The following ANO10 variants were observed in gnomAD, a reference collection of about 807,000 sequenced individuals.
The protein encoded by ANO10 is anoctamin-10.
In ANO10, 77 loss-of-function variants were observed where a neutral mutation model predicts 74.7. That is an observed-to-expected ratio of 1.03 (90% CI 0.86 to 1.25). ANO10 has a LOEUF of 1.25. ANO10 is among the 50% of genes most tolerant of loss of function. The pLI, the probability that ANO10 is intolerant of heterozygous loss-of-function variation, is 0.00. For synonymous variants in ANO10, 279 were observed against 284.9 expected, an observed-to-expected ratio of 0.98 and a Z score of 0.21; for missense variants, 721 against 778.1, an observed-to-expected ratio of 0.93 and a Z score of 0.87.
intron 11 of ANO10, among the ~76,000 whole-genome samples, chr3:43,543,884 T>G (rs955534911): frequency 2.6e-5 from 4 of 152,202 alleles, no homozygotes; most frequent in African/African-American, 9.7e-5. Context: ...TTAACTCGTC[T>G]TCACCTTAGA....
intron 11 of ANO10, among the ~76,000 whole-genome samples, chr3:43,435,296 G>A (rs2093049965): frequency 6.6e-6 from 1 of 152,048 alleles, no homozygotes; most frequent in Non-Finnish European, 1.5e-5. Context: ...ATCACTTGAG[G>A]TCAGGAGTTC....
At chr3:43,520,119 G>A (rs2077884293) in intron 11 of ANO10, among the ~76,000 whole-genome samples, 1 of 152,118 alleles carries the variant, frequency 6.6e-6, no homozygotes. Context: ...AGTGAAATGT[G>A]AGTTGGAGTT....
At chr3:43,508,850 G>A (rs1402657779) in intron 11 of ANO10, among the ~76,000 whole-genome samples, 7 of 150,656 alleles carry the variant, frequency 4.6e-5, no homozygotes, top group Admixed American at 1.3e-4. Flanking sequence ...TGTAAATGAC[G>A]AGTTAATGGG....
intron 11 of ANO10, among the ~76,000 whole-genome samples, chr3:43,520,243 T>A (rs993509706): frequency 6.6e-6 from 1 of 152,222 alleles, no homozygotes; most frequent in African/African-American, 2.4e-5. Context: ...GATTTTTGTA[T>A]ATAGTGTATG....
intron 11 of ANO10, among the ~76,000 whole-genome samples, chr3:43,470,319 A>C (rs1467997384): frequency 6.6e-6 from 1 of 152,174 alleles, no homozygotes; most frequent in Non-Finnish European, 1.5e-5. Context: ...TGTTTGGGCT[A>C]TGGGGAGTAT....
At chr3:43,545,029 A>C (rs2079119165) in intron 11 of ANO10, among the ~76,000 whole-genome samples, 1 of 151,432 alleles carries the variant, frequency 6.6e-6, no homozygotes, top group Admixed American at 6.6e-5. Context: ...TTGGTTAATT[A>C]ATTTGGAAAA....
intron 12 of ANO10, among the ~76,000 whole-genome samples, chr3:43,382,659 T>C (rs1378976582): frequency 1.3e-5 from 2 of 151,584 alleles, no homozygotes; most frequent in African/African-American, 4.9e-5. Context: ...AGAGAGAAGA[T>C]CCAAATAAGC....
intron 11 of ANO10, among the ~76,000 whole-genome samples, chr3:43,483,662 T>C (rs1333111110): frequency 6.6e-6 from 1 of 152,224 alleles, no homozygotes; most frequent in African/African-American, 2.4e-5. Flanking sequence ...AGTGTTCAGT[T>C]TCAAGATGTC....
At chr3:43,397,861 A>C (rs2092411321) in intron 12 of ANO10, among the ~76,000 whole-genome samples, 2 of 152,196 alleles carry the variant, frequency 1.3e-5, no homozygotes, top group Non-Finnish European at 2.9e-5. Flanking sequence ...TCTATCTCTC[A>C]GAGATCACTG....
intron 11 of ANO10, among the ~76,000 whole-genome samples, chr3:43,481,692 A>G (rs978826521): frequency 2.0e-5 from 3 of 152,184 alleles, no homozygotes; most frequent in Non-Finnish European, 4.4e-5. Context: ...GGTCTCAACA[A>G]TCACTTAATC....
chr3:43,442,797 T>C (rs1233841917), intron 11 of ANO10, among the ~76,000 whole-genome samples: 1 of 152,184 alleles, frequency 6.6e-6, no homozygotes. Context: ...AACAAATGGG[T>C]GCAGCTGGGT....
chr3:43,686,811 G>C (rs977290145), intron 1 of ANO10, among the ~76,000 whole-genome samples: 12 of 152,286 alleles, frequency 7.9e-5, no homozygotes, highest in Middle Eastern at 3.4e-3. Context: ...CTAACAGACA[G>C]GGTTGCTCTA....
chr3:43,537,611 CCACACA>C lies in ANO10; in HGVS notation c.1797+12103_1797+12108del, dbSNP rs3223349. Among the ~76,000 whole-genome samples, 940 of 140,040 alleles carry C rather than the reference CCACACA, an allele frequency of 6.7e-3. 2 individuals carry two copies. Among genetic ancestry groups the C allele is most frequent in the African/African-American group, 0.013 (478 of 37,514 alleles). The allele number at this position is 140,040 out of a possible 152,430, so 91.9% of individuals were successfully genotyped here. On this transcript the variant is annotated intron_variant, in intron 11 of 12. Coordinates refer to ENST00000292246, the MANE Select transcript of ANO10 (RefSeq NM_018075.5). The stretch of plus-strand genomic sequence containing the variant: ...GCTCAGAGCAGGCATACTTTATAAA[CCACACA>C]CACACACACACACACACACACACAC...
At chr3:43,392,724 C>G (rs2092301140) in intron 12 of ANO10, among the ~76,000 whole-genome samples, 3 of 152,310 alleles carry the variant, frequency 2.0e-5, no homozygotes, top group South Asian at 4.1e-4. Context: ...CTCTTCTCCA[C>G]TCCTCATCCC....
At chr3:43,406,381 A>C (rs2092576570) in intron 12 of ANO10, among the ~76,000 whole-genome samples, 1 of 152,190 alleles carries the variant, frequency 6.6e-6, no homozygotes, top group Admixed American at 6.5e-5. Context: ...TCGAGCTATA[A>C]ATATCATGAC....
intron 1 of ANO10, among the ~76,000 whole-genome samples, chr3:43,620,720 G>A (rs1360941569): frequency 6.6e-6 from 1 of 152,190 alleles, no homozygotes; most frequent in Non-Finnish European, 1.5e-5. Context: ...AGCAGACATT[G>A]TGCCACTGCA....
At chr3:43,515,171 T>A (rs1322631249) in intron 11 of ANO10, among the ~76,000 whole-genome samples, 1 of 152,230 alleles carries the variant, frequency 6.6e-6, no homozygotes, top group Non-Finnish European at 1.5e-5. Context: ...TCAACTTGAC[T>A]GAGCCATGGG....
At chr3:43,463,933 CAA>C (rs2075498739) in intron 11 of ANO10, among the ~76,000 whole-genome samples, 1 of 152,110 alleles carries the variant, frequency 6.6e-6, no homozygotes, top group Non-Finnish European at 1.5e-5. Flanking sequence ...ATCATGGGGG[CAA>C]GTCTTTCCCA....
At chr3:43,539,558 C>G (rs2078864373) in intron 11 of ANO10, among the ~76,000 whole-genome samples, 1 of 152,024 alleles carries the variant, frequency 6.6e-6, no homozygotes, top group African/African-American at 2.4e-5. Context: ...GGCTGGGGTG[C>G]AGTAGGAGAC....
Sources: allele counts gnomAD v4.1 joint callset (sites outside exome capture counted in the v4.1 genomes callset), GRCh38; gene constraint gnomAD v4.1.1; transcripts MANE v1.5; gene names NCBI Gene and HGNC (gene_info 2026-07-23, HGNC 2026-07-21).